Variants in MARCHF1 observed in about 807,000 individuals in gnomAD.
MARCHF1 encodes the protein E3 ubiquitin-protein ligase MARCHF1.
MARCHF1 carries 40 observed loss-of-function variants against 54.2 expected under a neutral mutation model. That is an observed-to-expected ratio of 0.74 (90% CI 0.57 to 0.96). The LOEUF (loss-of-function observed/expected upper bound fraction) is 0.96. MARCHF1 is among the 40% of genes least tolerant of loss of function. The pLI, the probability that MARCHF1 is intolerant of heterozygous loss-of-function variation, is 0.00. For missense variants in MARCHF1, 586 were observed against 656.5 expected, an observed-to-expected ratio of 0.89 and a Z score of 1.17; for synonymous variants, 236 against 236.3, an observed-to-expected ratio of 1.00 and a Z score of 0.01.
chr4:164,196,875 G>T, intron 1 of MARCHF1: 1 of 1,143,420 alleles, frequency 8.7e-7, no homozygotes, highest in Admixed American at 2.0e-5. Context: ...GTTACAATCA[G>T]AAAAAAGTAA....
chr4:163,572,319 C>CTTTTT (rs11363041), intron 8 of MARCHF1, among the ~76,000 whole-genome samples: 1 of 144,076 alleles, frequency 6.9e-6, no homozygotes. Context: ...CTCTTTCTTC[C>CTTTTT]TTTTTTTTTT....
chr4:164,021,791 T>A (rs1372351494), intron 2 of MARCHF1, among the ~76,000 whole-genome samples: 1 of 151,478 alleles, frequency 6.6e-6, no homozygotes, highest in East Asian at 1.9e-4. Flanking sequence ...GAGGCGGAGG[T>A]TGCAGTGAGC....
chr4:164,187,148 G>C (rs546469224), intron 1 of MARCHF1, among the ~76,000 whole-genome samples: 2 of 151,978 alleles, frequency 1.3e-5, no homozygotes, highest in Non-Finnish European at 2.9e-5. Context: ...CAAGAATTTG[G>C]TATTTCTGCT....
At chr4:163,560,683 T>C (rs2110974550) in intron 8 of MARCHF1, among the ~76,000 whole-genome samples, 1 of 152,290 alleles carries the variant, frequency 6.6e-6, no homozygotes, top group Middle Eastern at 3.4e-3. Flanking sequence ...TTCGTTTAGG[T>C]CTTTAATTTC....
chr4:163,908,074 C>T (rs1021184135), intron 3 of MARCHF1, among the ~76,000 whole-genome samples: 1 of 152,116 alleles, frequency 6.6e-6, no homozygotes, highest in Non-Finnish European at 1.5e-5. Context: ...TATGAGAAGA[C>T]ACGCAGTATG....
At chr4:163,915,218 C>T (rs1751281561) in intron 3 of MARCHF1, among the ~76,000 whole-genome samples, 1 of 151,724 alleles carries the variant, frequency 6.6e-6, no homozygotes, top group Non-Finnish European at 1.5e-5. Context: ...GTTTTGAAAT[C>T]CAAAAGTAGA....
chr4:163,573,295 CTTATTATTATTA>C (rs34017689), intron 8 of MARCHF1, among the ~76,000 whole-genome samples: 2,468 of 144,336 alleles, frequency 0.017, 51 homozygotes, highest in African/African-American at 0.051. Flanking sequence ...TGCTTTTTCT[CTTATTATTATTA>C]TTATTATTAT....
chr4:163,558,331 C>T (rs1009175457), intron 8 of MARCHF1, among the ~76,000 whole-genome samples: 5 of 152,132 alleles, frequency 3.3e-5, no homozygotes, highest in African/African-American at 1.2e-4. Context: ...GGGTAGAAAG[C>T]ATGATTACAA....
chr4:163,542,632 T>G (rs1279426529), intron 9 of MARCHF1, among the ~76,000 whole-genome samples: 1 of 152,130 alleles, frequency 6.6e-6, no homozygotes, highest in Non-Finnish European at 1.5e-5. Context: ...GACTACGTGG[T>G]AGGGCAGTGA....
intron 5 of MARCHF1, among the ~76,000 whole-genome samples, chr4:163,664,674 A>ATT (rs1447887525): frequency 1.3e-5 from 2 of 152,110 alleles, no homozygotes; most frequent in Non-Finnish European, 2.9e-5. Context: ...TAGTGGACAC[A>ATT]TTATATATAG....
chr4:163,990,397 T>G (rs1367944526), intron 2 of MARCHF1, among the ~76,000 whole-genome samples: 2 of 152,122 alleles, frequency 1.3e-5, no homozygotes, highest in East Asian at 3.9e-4. Flanking sequence ...CAAACCAATT[T>G]TGAGAACCAT....
At chr4:163,976,297 C>T (rs1249142172) in intron 3 of MARCHF1, among the ~76,000 whole-genome samples, 4 of 152,024 alleles carry the variant, frequency 2.6e-5, no homozygotes, top group African/African-American at 4.8e-5. Context: ...TAGAACTGTA[C>T]CCAAGAAAAC....
intron 1 of MARCHF1, among the ~76,000 whole-genome samples, chr4:164,328,825 C>T (rs979356272): frequency 2.6e-5 from 4 of 152,112 alleles, no homozygotes; most frequent in South Asian, 2.1e-4. Flanking sequence ...CCACCACACC[C>T]GGCCACATGA....
Position 164,189,835 on chromosome 4 carries a change from C to G in MARCHF1, c.-322-78173G>C, listed in dbSNP as rs986441803. ...GGTACATTTGATCTGACTGGAATTC[C>G]TCCTGCTCCTCGTGGGGTCCCACAG... On this transcript the variant is annotated intron_variant, in intron 1 of 9. Coordinates refer to ENST00000514618, the MANE Select transcript of MARCHF1 (RefSeq NM_001394959.1). 3.4e-5 allele frequency: 55 copies of G among 1,595,540 alleles called. No individual in the cohort carries two copies. The African/African-American group carries it at 7.1e-4, about 21-fold the overall frequency.
intron 8 of MARCHF1, among the ~76,000 whole-genome samples, chr4:163,546,390 T>A (rs1738908037): frequency 6.6e-6 from 1 of 152,228 alleles, no homozygotes; most frequent in Non-Finnish European, 1.5e-5. Context: ...GTACCAAGAA[T>A]GAGATAGCTT....
chr4:164,104,040 A>G (rs1755634399), intron 2 of MARCHF1, among the ~76,000 whole-genome samples: 1 of 151,602 alleles, frequency 6.6e-6, no homozygotes, highest in Admixed American at 6.5e-5. Flanking sequence ...TCCTGGACAC[A>G]TGCACTCTCC....
Position 163,595,724 on chromosome 4 carries a change from T to A in MARCHF1, c.1011-9795A>T, listed in dbSNP as rs527591418. 6.0e-5 allele frequency among the ~76,000 whole-genome samples: 9 copies of A among 149,954 alleles called. 1 individual carries two copies. In the South Asian group the frequency reaches 1.5e-3, roughly 25 times the overall value. On this transcript the variant is annotated intron_variant, in intron 7 of 9. Coordinates refer to ENST00000514618, the MANE Select transcript of MARCHF1 (RefSeq NM_001394959.1). ...TAGTCAAACACAAAGAAACAGGGAG[T>A]AGAATAGTGGCTGCCAAGGCTGGGG...
chr4:163,933,008 TC>T (rs532550752), intron 3 of MARCHF1: 2 of 1,066,030 alleles, frequency 1.9e-6, no homozygotes, highest in South Asian at 2.5e-5. Flanking sequence ...AATCCACACA[TC>T]CAATCTGCCT....
In MARCHF1 at chr4:164,017,450, T is replaced by G. The variant is rs567124995; in HGVS notation, c.-247-28741A>C. 1.8e-3 allele frequency among the ~76,000 whole-genome samples: 281 copies of G among 152,098 alleles called. 1 individual carries two copies. Among genetic ancestry groups the G allele is most frequent in the Non-Finnish European group, 3.5e-3 (238 of 67,890 alleles). On this transcript the variant is annotated intron_variant, in intron 2 of 9. Coordinates refer to ENST00000514618, the MANE Select transcript of MARCHF1 (RefSeq NM_001394959.1). ...TGAACCTCACAGAAAGAAATTACAA[T>G]TAATTGAATTAAGACAAATTACACA...
Sources: gnomAD v4.1 joint callset for allele counts (sites outside exome capture counted in the v4.1 genomes callset) on GRCh38, gnomAD v4.1.1 for gene constraint, MANE v1.5 for transcripts, NCBI Gene and HGNC (gene_info 2026-07-23, HGNC 2026-07-21) for gene names.